NLGN4X: variants seen among roughly 807,000 people sequenced by gnomAD.
The protein encoded by NLGN4X is neuroligin 4 X-linked.
A neutral mutation model predicts 40.3 loss-of-function variants in NLGN4X; 3 were observed. The observed-to-expected ratio is 0.07, with a 90% CI of 0.03 to 0.19. The LOEUF is 0.19. Ranked by LOEUF, NLGN4X falls within the 10% of genes least tolerant of loss-of-function variation. The pLI is 1.00. For synonymous variants in NLGN4X, 270 were observed against 306.8 expected, an observed-to-expected ratio of 0.88 and a Z score of 1.25; for missense variants, 382 against 708.3, an observed-to-expected ratio of 0.54 and a Z score of 5.23.
At chrX:5,955,083 T>C (rs774000077) in intron 3 of NLGN4X, among the ~76,000 whole-genome samples, 2 of 112,431 alleles carry the variant, frequency 1.8e-5, no homozygotes, top group African/African-American at 3.2e-5. Flanking sequence ...TGCAATGATA[T>C]ATCTGACTTC....
intron 2 of NLGN4X, among the ~76,000 whole-genome samples, chrX:6,092,606 G>A (rs1435436741): frequency 2.7e-5 from 3 of 112,169 alleles, no homozygotes; most frequent in Non-Finnish European, 3.8e-5. Context: ...TATTATAGGT[G>A]CTGCACACAA....
At chrX:6,104,579 G>A (rs1028370743) in intron 2 of NLGN4X, among the ~76,000 whole-genome samples, 6 of 110,516 alleles carry the variant, frequency 5.4e-5, no homozygotes, top group South Asian at 3.9e-4. Context: ...AAGATGCAAC[G>A]GAAACTTGGA....
chrX:6,059,357 C>A (rs2037713803), intron 2 of NLGN4X, among the ~76,000 whole-genome samples: 1 of 111,917 alleles, frequency 8.9e-6, no homozygotes, highest in Non-Finnish European at 1.9e-5. Flanking sequence ...GAAAACACAC[C>A]ACCCCTGACA....
chrX:6,089,278 A>C (rs1360141952), intron 2 of NLGN4X, among the ~76,000 whole-genome samples: 1 of 112,140 alleles, frequency 8.9e-6, no homozygotes, highest in Non-Finnish European at 1.9e-5. Context: ...CCAAAACTAC[A>C]GGTATGGAAG....
chrX:5,954,856 G>C (rs950564722), intron 3 of NLGN4X, among the ~76,000 whole-genome samples: 1 of 110,464 alleles, frequency 9.1e-6, no homozygotes, highest in African/African-American at 3.3e-5. Context: ...TGACAGTAAG[G>C]CTCCAGCATT....
At chrX:6,111,059 G>A (rs1012849777) in intron 2 of NLGN4X, among the ~76,000 whole-genome samples, 2 of 111,821 alleles carry the variant, frequency 1.8e-5, no homozygotes, top group African/African-American at 3.3e-5. Flanking sequence ...AAGGCAATGA[G>A]CTGTTACAAA....
intron 2 of NLGN4X, among the ~76,000 whole-genome samples, chrX:6,053,417 C>T (rs956118548): frequency 2.5e-4 from 28 of 111,053 alleles, no homozygotes; most frequent in African/African-American, 9.2e-4. Flanking sequence ...CACGAGCATG[C>T]TGGCTCAGGG....
chrX:6,112,685 G>C (rs2039180116), intron 2 of NLGN4X, among the ~76,000 whole-genome samples: 1 of 108,641 alleles, frequency 9.2e-6, no homozygotes. Flanking sequence ...CCGGGTTCAA[G>C]TGATTCTCCT....
intron 2 of NLGN4X, among the ~76,000 whole-genome samples, chrX:6,088,374 C>T (rs760619163): frequency 1.4e-4 from 16 of 111,853 alleles, no homozygotes; most frequent in Middle Eastern, 4.6e-3. Flanking sequence ...TCAACATCTG[C>T]GCAGTTTTCT....
chrX:5,964,631 C>A (rs969486414), intron 3 of NLGN4X, among the ~76,000 whole-genome samples: 1 of 110,989 alleles, frequency 9.0e-6, no homozygotes, highest in Non-Finnish European at 1.9e-5. Context: ...CTTAGCCTCT[C>A]GAGCAGCTGT....
chrX:6,206,125 AC>A (rs1037920482), intron 1 of NLGN4X, among the ~76,000 whole-genome samples: 1 of 17,031 alleles, frequency 5.9e-5, no homozygotes, highest in African/African-American at 7.8e-4. Flanking sequence ...GAATTATGAG[AC>A]CCCCCACTCC....
chrX:5,908,181 C>T (rs1411757085), intron 4 of NLGN4X, among the ~76,000 whole-genome samples: 17 of 102,148 alleles, frequency 1.7e-4, no homozygotes, highest in African/African-American at 5.8e-4. Context: ...ACAGAGAGGA[C>T]GAGAGAGGGA....
intron 2 of NLGN4X, among the ~76,000 whole-genome samples, chrX:6,064,475 C>T (rs1330098681): frequency 1.8e-5 from 2 of 111,751 alleles, no homozygotes; most frequent in Non-Finnish European, 3.8e-5. Context: ...AACACATTTA[C>T]AATCATCTCA....
intron 3 of NLGN4X, among the ~76,000 whole-genome samples, chrX:5,968,851 T>C (rs913248442): frequency 1.8e-5 from 2 of 109,456 alleles, no homozygotes; most frequent in Non-Finnish European, 3.8e-5. Flanking sequence ...CTTCCATAAT[T>C]AGCTTGGTCC....
intron 1 of NLGN4X, among the ~76,000 whole-genome samples, chrX:6,168,986 C>T (rs2040551697): frequency 8.9e-6 from 1 of 111,941 alleles, no homozygotes; most frequent in African/African-American, 3.2e-5. Flanking sequence ...AGCCAAAACC[C>T]ATAAAAGATA....
chrX:6,034,970 G>A (rs1352720794), intron 2 of NLGN4X, among the ~76,000 whole-genome samples: 1 of 111,747 alleles, frequency 8.9e-6, no homozygotes, highest in East Asian at 2.8e-4. Flanking sequence ...GCCTCCTAAA[G>A]TGCTGGGATT....
chrX:5,891,311 C>A lies in NLGN4X; in HGVS notation c.*1506G>T. The A allele has an allele frequency of 4.3e-6, 1 of 233,663 alleles. No individual in the cohort carries two copies. Among genetic ancestry groups the A allele is most frequent in the South Asian group, 5.0e-5 (1 of 19,869 alleles). 19.3% of individuals were successfully genotyped at this position (233,663 alleles called of 1,213,427 possible). A position where few individuals can be genotyped will look rare whatever the true frequency, so the allele number is the denominator to read the frequency against. The stretch of plus-strand genomic sequence containing the variant: ...TTTAATATTCTATCCTTTCTTCCCC[C>A]ATTCTTCTATAATATTCACCGTTTG... On this transcript the variant is annotated 3_prime_UTR_variant, in exon 6 of 6. Transcript: ENST00000381095.
intron 2 of NLGN4X, among the ~76,000 whole-genome samples, chrX:6,081,850 C>T (rs1204277830): frequency 8.9e-6 from 1 of 112,154 alleles, no homozygotes; most frequent in East Asian, 2.8e-4. Flanking sequence ...AAGGAGAAAT[C>T]GATCTTATTT....
At chrX:5,966,965 C>T (rs2034852362) in intron 3 of NLGN4X, among the ~76,000 whole-genome samples, 2 of 112,112 alleles carry the variant, frequency 1.8e-5, no homozygotes, top group African/African-American at 6.5e-5. Context: ...TCCATTTCTA[C>T]TATTTCTATA....
Sources: allele counts gnomAD v4.1 joint callset (sites outside exome capture counted in the v4.1 genomes callset), GRCh38; gene constraint gnomAD v4.1.1; transcripts MANE v1.5; gene names NCBI Gene and HGNC (gene_info 2026-07-23, HGNC 2026-07-21).